Variants in GOLT1B observed in about 807,000 individuals in gnomAD.
GOLT1B encodes vesicle transport protein GOT1B.
Under a neutral mutation model 15.4 loss-of-function variants are expected in GOLT1B, and 3 were observed. That is an observed-to-expected ratio of 0.19 (90% CI 0.09 to 0.50). The LOEUF (loss-of-function observed/expected upper bound fraction) is 0.50, where lower values mean the gene tolerates loss of function less well. Ranked by LOEUF, GOLT1B falls within the 20% of genes least tolerant of loss-of-function variation. GOLT1B has a pLI of 0.97. For synonymous variants in GOLT1B, 65 were observed against 56.2 expected (o/e 1.16, Z -0.70); for missense variants, 145 against 160.4 (o/e 0.90, Z 0.52).
At chr12:21,507,526 GTGTATA>G (rs935175719) in intron 2 of GOLT1B, among the ~76,000 whole-genome samples, 3 of 151,246 alleles carry the variant, frequency 2.0e-5, no homozygotes, top group Non-Finnish European at 3.0e-5. Context: ...GTGTGTGTGT[GTGTATA>G]TATATATATA....
At chr12:21,513,387 C>G (rs1402734495) in intron 4 of GOLT1B, among the ~76,000 whole-genome samples, 1 of 152,178 alleles carries the variant, frequency 6.6e-6, no homozygotes, top group Non-Finnish European at 1.5e-5. Context: ...CAGAATTCAG[C>G]TTATTTTTTG....
At position 21,508,230 on chromosome 12, in the gene GOLT1B, T is replaced by G. The variant is rs572626679; in HGVS notation, c.118-153T>G. Reference sequence around the variant, plus strand: ...ATAACCCACTCCTTGGTTCTGCTGCTTGGTTGTACATTACAGTTCTGTCTG... The same window carrying G: ...ATAACCCACTCCTTGGTTCTGCTGCGTGGTTGTACATTACAGTTCTGTCTG... On this transcript the variant is annotated intron_variant, in intron 2 of 4. Coordinates refer to ENST00000229314, the MANE Select transcript of GOLT1B (RefSeq NM_016072.5). 1.4e-4 allele frequency: 84 copies of G among 594,698 alleles called. No homozygotes were observed. The East Asian group carries it at 2.4e-3, about 17-fold the overall frequency. The allele number at this position is 594,698 out of a possible 1,614,324, so 36.8% of individuals were successfully genotyped here.
chr12:21,505,930 G>A (rs1310515455), intron 1 of GOLT1B, among the ~76,000 whole-genome samples: 8 of 152,026 alleles, frequency 5.3e-5, no homozygotes, highest in Non-Finnish European at 1.2e-4. Flanking sequence ...GAGTACATCT[G>A]TCACCTTAGA....
chr12:21,502,074 T>C lies in GOLT1B; in HGVS notation c.25+126T>C. On this transcript the variant is annotated intron_variant, in intron 1 of 4. Transcript: ENST00000229314. ...GGGGCGGTGGCCTGCGAGACAGAGC[T>C]AGGGCTGCTGGGACCCTAAGGGGCT... 5.4e-6 allele frequency: 4 copies of C among 744,160 alleles called. No individual in the cohort carries two copies. In the Admixed American group the frequency reaches 8.2e-5, roughly 15 times the overall value. The allele number at this position is 744,160 out of a possible 1,614,324, so 46.1% of individuals were successfully genotyped here.
intron 1 of GOLT1B, among the ~76,000 whole-genome samples, chr12:21,503,365 A>G (rs1407169470): frequency 2.0e-5 from 3 of 152,204 alleles, no homozygotes; most frequent in Non-Finnish European, 4.4e-5. Context: ...GACAGAAACA[A>G]AACTTGATCC....
chr12:21,502,129 C>T (rs1943633768), intron 1 of GOLT1B, among the ~76,000 whole-genome samples, 181 bp downstream of exon 1: 1 of 152,228 alleles, frequency 6.6e-6, no homozygotes, highest in African/African-American at 2.4e-5. Context: ...TAGACTTGGA[C>T]TGGCGGACCT....
In GOLT1B at chr12:21,511,966, G is replaced by A. The variant is rs138996858; in HGVS notation, c.297-329G>A. Among the ~76,000 whole-genome samples, 1,322 of 152,176 alleles carry A rather than the reference G, an allele frequency of 8.7e-3. 28 individuals carry two copies. The highest frequency in any genetic ancestry group is 8.9e-3 in the Non-Finnish European group (607 of 68,006). ...GACCCTTAGTACTTACTTAGTAAAT[G>A]ATAGCTATTATTATTTTCATGGTTC... On this transcript the variant is annotated intron_variant, in intron 3 of 4. Transcript: ENST00000229314.
intron 1 of GOLT1B, among the ~76,000 whole-genome samples, chr12:21,505,174 C>T (rs1478885661): frequency 1.3e-5 from 2 of 152,098 alleles, no homozygotes; most frequent in Admixed American, 1.3e-4. Flanking sequence ...TTCATAAGGC[C>T]TAATTCGTGG....
chr12:21,502,248 G>A (rs111624740), intron 1 of GOLT1B, among the ~76,000 whole-genome samples: 1 of 152,188 alleles, frequency 6.6e-6, no homozygotes, highest in African/African-American at 2.4e-5. Context: ...CTCATCCCCA[G>A]TGAGATGGGC....
At chr12:21,502,231 T>G (rs1437773962) in intron 1 of GOLT1B, among the ~76,000 whole-genome samples, 1 of 152,180 alleles carries the variant, frequency 6.6e-6, no homozygotes, top group Non-Finnish European at 1.5e-5. Flanking sequence ...AGGGTCGCGC[T>G]GATCTCCTCA....
At chr12:21,505,213 T>C (rs988951467) in intron 1 of GOLT1B, among the ~76,000 whole-genome samples, 5 of 152,220 alleles carry the variant, frequency 3.3e-5, no homozygotes, top group African/African-American at 9.6e-5. Flanking sequence ...TAGGTGTCTT[T>C]CCATATACCT....
chr12:21,513,939 A>G (rs1943738155), intron 4 of GOLT1B, among the ~76,000 whole-genome samples: 2 of 152,148 alleles, frequency 1.3e-5, no homozygotes, highest in Admixed American at 1.3e-4. Context: ...TATAATGGAA[A>G]CTCAAAATAT....
intron 1 of GOLT1B, among the ~76,000 whole-genome samples, chr12:21,506,582 T>C (rs1943680177): frequency 6.6e-6 from 1 of 152,024 alleles, no homozygotes; most frequent in African/African-American, 2.4e-5. Context: ...AAAAAACAAA[T>C]TACATATTAA....
chr12:21,513,524 G>C (rs1300801036), intron 4 of GOLT1B, among the ~76,000 whole-genome samples: 1 of 151,932 alleles, frequency 6.6e-6, no homozygotes, highest in Admixed American at 6.5e-5. Flanking sequence ...TTTTCTTAGA[G>C]AGAGTCTCAA....
At position 21,501,812 on chromosome 12, in the gene GOLT1B, G is replaced by C; in HGVS notation, c.-112G>C. 1 of 760,116 alleles carries C rather than the reference G, an allele frequency of 1.3e-6. No individual in the cohort carries two copies. The highest frequency in any genetic ancestry group is 2.1e-5 in the Admixed American group (1 of 48,362). The allele number at this position is 760,116 out of a possible 1,614,324, so 47.1% of individuals were successfully genotyped here. A position where few individuals can be genotyped will look rare whatever the true frequency, so the allele number is the denominator to read the frequency against. ...GCAGTGAGGGTGGCTGCGTGTTTCCGGAAGACGTGGCGGCTCTCGCCTGGG... is the reference window on the plus strand; with the variant it reads ...GCAGTGAGGGTGGCTGCGTGTTTCCCGAAGACGTGGCGGCTCTCGCCTGGG... On this transcript the variant is annotated 5_prime_UTR_variant, in exon 1 of 5. Coordinates refer to ENST00000229314, the MANE Select transcript of GOLT1B (RefSeq NM_016072.5).
At chr12:21,506,746 A>T in intron 1 of GOLT1B, 139 bp from the exon 2 acceptor site, 2 of 468,486 alleles carry the variant, frequency 4.3e-6, no homozygotes, top group Non-Finnish European at 7.6e-6. Flanking sequence ...AATAAATGTC[A>T]TTATGAAGTT....
intron 3 of GOLT1B, among the ~76,000 whole-genome samples, chr12:21,511,941 G>C (rs1454587852): frequency 6.6e-6 from 1 of 152,084 alleles, no homozygotes; most frequent in Non-Finnish European, 1.5e-5. Context: ...TAAATGTTTT[G>C]ACCCTTAGTA....
In GOLT1B at chr12:21,517,435, C is replaced by T. The variant is rs916185264; in HGVS notation, c.*1728C>T. On this transcript the variant is annotated 3_prime_UTR_variant, in exon 5 of 5. Coordinates refer to ENST00000229314, the MANE Select transcript of GOLT1B (RefSeq NM_016072.5). The stretch of plus-strand genomic sequence containing the variant: ...ATCCTCACTTGGAGAGTGTCAAATA[C>T]ATACTTTGAGGATTGACTTTATATA... 12 of 152,536 alleles carry T rather than the reference C, an allele frequency of 7.9e-5. No individual in the cohort carries two copies. The highest frequency in any genetic ancestry group is 2.9e-4 in the African/African-American group (12 of 41,560). The allele number at this position is 152,536 out of a possible 1,614,324, so 9.4% of individuals were successfully genotyped here. A position where few individuals can be genotyped will look rare whatever the true frequency, so the allele number is the denominator to read the frequency against.
In GOLT1B at chr12:21,515,729, C is replaced by T. The variant is rs765959089; in HGVS notation, c.*22C>T. The T allele has an allele frequency of 1.4e-5, 15 of 1,039,136 alleles. No homozygotes were observed. In the East Asian group the frequency reaches 1.9e-4, roughly 13 times the overall value. The allele number at this position is 1,039,136 out of a possible 1,614,324, so 64.4% of individuals were successfully genotyped here. On this transcript the variant is annotated 3_prime_UTR_variant, in exon 5 of 5. Transcript: ENST00000229314. ...ATAACAACAAGTGAATTTGAAGACT[C>T]ATTTAAAATATTGTGTTATTTATAA...
Sources: allele counts gnomAD v4.1 joint callset (sites outside exome capture counted in the v4.1 genomes callset), GRCh38; gene constraint gnomAD v4.1.1; transcripts MANE v1.5; gene names NCBI Gene and HGNC (gene_info 2026-07-23, HGNC 2026-07-21).